CD46: variants seen among roughly 807,000 people sequenced by gnomAD.
CD46 encodes the protein membrane cofactor protein.
CD46 carries 30 observed loss-of-function variants against 53.3 expected under a neutral mutation model. That is an observed-to-expected ratio of 0.56 (90% CI 0.42 to 0.76). The LOEUF (loss-of-function observed/expected upper bound fraction) is 0.76, where lower values mean the gene tolerates loss of function less well. Among genes scored for constraint, CD46 ranks in the 30% least tolerant of loss-of-function variants. The pLI, the probability that CD46 is intolerant of heterozygous loss-of-function variation, is 0.00. For synonymous variants in CD46, 142 were observed against 152.0 expected, an observed-to-expected ratio of 0.93 and a Z score of 0.48; for missense variants, 409 against 463.0, an observed-to-expected ratio of 0.88 and a Z score of 1.07.
intron 7 of CD46, 191 bp downstream of exon 7, chr1:207,768,014 G>A: frequency 1.7e-6 from 1 of 585,492 alleles, no homozygotes; most frequent in South Asian, 2.0e-5. Context: ...ATATAAACAG[G>A]AATATGACCT....
At chr1:207,760,503 C>T (rs182855189) in intron 4 of CD46, 3 of 152,186 alleles carry the variant, frequency 2.0e-5, no homozygotes, top group Admixed American at 6.5e-5. Context: ...TAACTAGCAC[C>T]GAGTTAAGCA....
Position 207,752,129 on chromosome 1 carries a change from G to T in CD46, c.-84G>T. 8.1e-7 allele frequency: 1 copy of T among 1,241,004 alleles called. No individual in the cohort carries two copies. The highest frequency in any genetic ancestry group is 1.2e-6 in the Non-Finnish European group (1 of 849,362). 76.9% of individuals were successfully genotyped at this position (1,241,004 alleles called of 1,614,324 possible). On this transcript the variant is annotated 5_prime_UTR_variant, in exon 1 of 13. Coordinates refer to ENST00000367042, the MANE Select transcript of CD46 (RefSeq NM_172351.3). The surrounding 1 kb of genome is among the most constrained non-coding windows in gnomAD (Gnocchi z 4.1). ...TGGGGATTGTTGCGTCCCATATCTGGACCCAGAAGGGACTTCCCTGCTCGG... is the reference window on the plus strand; with the variant it reads ...TGGGGATTGTTGCGTCCCATATCTGTACCCAGAAGGGACTTCCCTGCTCGG...
chr1:207,753,278 T>C (rs1655128544), intron 1 of CD46, among the ~76,000 whole-genome samples: 1 of 152,210 alleles, frequency 6.6e-6, no homozygotes, highest in Admixed American at 6.5e-5. Flanking sequence ...AGGCAGATAA[T>C]GTTAATCTTG....
At chr1:207,781,839 G>A (rs536210325) in intron 8 of CD46, among the ~76,000 whole-genome samples, 32 of 152,180 alleles carry the variant, frequency 2.1e-4, no homozygotes, top group Admixed American at 1.2e-3. Context: ...GAATCAGAAA[G>A]TGTGAGCCTT....
Position 207,759,736 on chromosome 1 carries a change from C to A in CD46, c.475+12C>A. The A allele has an allele frequency of 6.5e-7, 1 of 1,545,094 alleles. No individual in the cohort carries two copies. Among genetic ancestry groups the A allele is most frequent in the East Asian group, 2.3e-5 (1 of 44,186 alleles). On this transcript the variant is annotated intron_variant, in intron 4 of 12. Transcript: ENST00000367042. ...CCCAATATGTGAAAGTAAGTAAATT[C>A]TTTTTTTTTAAATTTAGACCAGTAG...
At chr1:207,765,836 C>G (rs1002728673) in intron 5 of CD46, among the ~76,000 whole-genome samples, 2 of 152,174 alleles carry the variant, frequency 1.3e-5, no homozygotes, top group African/African-American at 4.8e-5. Flanking sequence ...CATTTTCACA[C>G]AGAAACTTAT....
chr1:207,777,591 T>G (rs916535433), intron 8 of CD46, among the ~76,000 whole-genome samples: 1 of 152,076 alleles, frequency 6.6e-6, no homozygotes, highest in Non-Finnish European at 1.5e-5. Context: ...ATGCGGTATT[T>G]GGGACGTTCC....
chr1:207,785,917 A>T (rs1436019833), intron 11 of CD46: 1 of 437,868 alleles, frequency 2.3e-6, no homozygotes, highest in Non-Finnish European at 4.2e-6. Context: ...TTATGACTTT[A>T]AGAAAAATTT....
chr1:207,759,916 T>C (rs1405304647), intron 4 of CD46, 192 bp downstream of exon 4: 2 of 519,666 alleles, frequency 3.8e-6, no homozygotes, highest in Non-Finnish European at 6.9e-6. Context: ...CTTTTTGGTT[T>C]TGTTTGTTTT....
chr1:207,757,999 A>G (rs1273958704), intron 3 of CD46, among the ~76,000 whole-genome samples: 2 of 152,232 alleles, frequency 1.3e-5, no homozygotes, highest in East Asian at 1.9e-4. Flanking sequence ...TTGCCAACTA[A>G]AGATACACTT....
chr1:207,775,456 A>C (rs1343083238), intron 8 of CD46, among the ~76,000 whole-genome samples: 1 of 152,184 alleles, frequency 6.6e-6, no homozygotes, highest in South Asian at 2.1e-4. Context: ...GAGAAGAGGC[A>C]GTCTGTTTTT....
chr1:207,757,262 G>T (rs1655664585), intron 2 of CD46, 60 bp downstream of exon 2: 3 of 1,399,162 alleles, frequency 2.1e-6, no homozygotes, highest in Non-Finnish European at 3.0e-6. Context: ...TACATTTTGG[G>T]GTACATATTC....
In CD46 at chr1:207,761,364, A is replaced by G. The variant is rs767423850; in HGVS notation, c.591A>G (p.Pro197=). The G allele has an allele frequency of 7.4e-6, 12 of 1,613,964 alleles. No homozygotes were observed. Among genetic ancestry groups the G allele is most frequent in the Middle Eastern group, 1.6e-4 (1 of 6,062 alleles). The change falls in exon 5 of 13, where the codon CCA becomes CCG. Residue 197 remains proline, a synonymous_variant. Coordinates refer to ENST00000367042, the MANE Select transcript of CD46 (RefSeq NM_172351.3). ...VTYSCDPAPG[P]DPFSLIGEST... is the part of the protein sequence containing the mutation. ...ATAGTTGTGATCCTGCACCTGGACC[A>G]GATCCATTTTCACTTATTGGAGAGA...
rs1394496638 is a variant in CD46, at chr1:207,752,193, C to T, written c.-20C>T. The stretch of plus-strand genomic sequence containing the variant: ...TCTCTGCTTTCCTCCGGAGAAATAA[C>T]AGCGTCTTCCGCGCCGCGCATGGAG... On this transcript the variant is annotated 5_prime_UTR_variant, in exon 1 of 13. Transcript: ENST00000367042. The surrounding 1 kb of genome is among the most constrained non-coding windows in gnomAD (Gnocchi z 4.1). The T allele has an allele frequency of 6.2e-7, 1 of 1,610,520 alleles. No homozygotes were observed.
Position 207,761,434 on chromosome 1 carries a change from C to T in CD46, c.661C>T (p.Pro221Ser), listed in dbSNP as rs1219225193. The T allele has an allele frequency of 6.2e-7, 1 of 1,613,044 alleles. No homozygotes were observed. The highest frequency in any genetic ancestry group is 1.3e-5 in the African/African-American group (1 of 74,868). ...GDNSVWSRAA[P>S]ECKVVKCRFP... ...CAATTCAGTGTGGAGTCGTGCTGCT[C>T]CAGAGTGTAAAGGTAGTGTTTCAAT... The change falls in exon 5 of 13, where the codon CCA becomes TCA. Residue 221 changes from proline (P) to serine (S), a missense_variant. By Grantham distance (74) the Pro-to-Ser change is moderately conservative. Transcript: ENST00000367042.
intron 7 of CD46, chr1:207,768,419 C>CGA (rs1657098784): frequency 6.5e-6 from 1 of 152,872 alleles, no homozygotes; most frequent in Admixed American, 6.5e-5. Context: ...TAGTTTGAGT[C>CGA]TTCTGATGTA....
intron 8 of CD46, among the ~76,000 whole-genome samples, chr1:207,775,847 C>A (rs1410145269): frequency 1.3e-5 from 2 of 152,232 alleles, no homozygotes; most frequent in Admixed American, 1.3e-4. Context: ...AGGAGGCAGT[C>A]TGTCCAGTGT....
At chr1:207,759,787 C>T (rs1452015812) in intron 4 of CD46, 63 bp downstream of exon 4, 5 of 834,898 alleles carry the variant, frequency 6.0e-6, no homozygotes, top group Middle Eastern at 2.2e-4. Flanking sequence ...GCCTCCTTTA[C>T]ACCCTTTACA....
In CD46 at chr1:207,752,157, G is replaced by T. The variant is rs912617240; in HGVS notation, c.-56G>T. 17 of 1,522,320 alleles carry T rather than the reference G, an allele frequency of 1.1e-5. No individual in the cohort carries two copies. The highest frequency in any genetic ancestry group is 1.5e-5 in the Non-Finnish European group (17 of 1,101,620). The allele number at this position is 1,522,320 out of a possible 1,614,324, so 94.3% of individuals were successfully genotyped here. A position where few individuals can be genotyped will look rare whatever the true frequency, so the allele number is the denominator to read the frequency against. ...CCAGAAGGGACTTCCCTGCTCGGCT[G>T]GCTCTCGGTTTCTCTGCTTTCCTCC... On this transcript the variant is annotated 5_prime_UTR_variant, in exon 1 of 13. Coordinates refer to ENST00000367042, the MANE Select transcript of CD46 (RefSeq NM_172351.3). The surrounding 1 kb of genome is among the most constrained non-coding windows in gnomAD (Gnocchi z 4.1).
Sources: gnomAD v4.1 joint callset for allele counts (sites outside exome capture counted in the v4.1 genomes callset) on GRCh38, gnomAD v4.1.1 for gene constraint, Gnocchi (gnomAD v3.1) non-coding constraint, MANE v1.5 for transcripts, NCBI Gene and HGNC (gene_info 2026-07-23, HGNC 2026-07-21) for gene names.